LNP1: variants seen among roughly 807,000 people sequenced by gnomAD.
The protein encoded by LNP1 is leukemia NUP98 fusion partner 1.
A neutral mutation model predicts 14.5 loss-of-function variants in LNP1; 12 were observed. The observed-to-expected ratio is 0.83, with a 90% CI of 0.53 to 1.34. The LOEUF is 1.34. Ranked by LOEUF, LNP1 falls within the 40% of genes most tolerant of loss-of-function variation. The pLI, the probability that LNP1 is intolerant of heterozygous loss-of-function variation, is 0.00. For synonymous variants in LNP1, 75 were observed against 71.4 expected, an observed-to-expected ratio of 1.05 and a Z score of -0.26; for missense variants, 198 against 210.9, an observed-to-expected ratio of 0.94 and a Z score of 0.38.
intron 1 of LNP1, among the ~76,000 whole-genome samples, chr3:100,408,318 T>C (rs1344106733): frequency 6.6e-6 from 1 of 152,224 alleles, no homozygotes; most frequent in Non-Finnish European, 1.5e-5. Flanking sequence ...CCCTTCCAGC[T>C]CTAGGGAGTG....
intron 2 of LNP1, 42 bp from the exon 3 acceptor site, chr3:100,451,677 C>T (rs1364885210): frequency 4.5e-6 from 3 of 664,422 alleles, no homozygotes; most frequent in Middle Eastern, 5.8e-4. Flanking sequence ...TAACATTGCA[C>T]AGTCCTTTTA....
intron 1 of LNP1, among the ~76,000 whole-genome samples, chr3:100,405,367 T>A (rs542591783): frequency 6.6e-6 from 1 of 152,330 alleles, no homozygotes; most frequent in African/African-American, 2.4e-5. Flanking sequence ...GTATAACACA[T>A]AACAGATACT....
chr3:100,413,349 T>C (rs1029927142), intron 1 of LNP1, among the ~76,000 whole-genome samples: 1 of 152,246 alleles, frequency 6.6e-6, no homozygotes, highest in Non-Finnish European at 1.5e-5. Flanking sequence ...ACTGCTTCAC[T>C]TCTCAGGGGG....
At chr3:100,438,293 TAAAGAA>T (rs938420888) in intron 2 of LNP1, among the ~76,000 whole-genome samples, 2 of 152,222 alleles carry the variant, frequency 1.3e-5, no homozygotes, top group African/African-American at 4.8e-5. Context: ...TATTGTCACT[TAAAGAA>T]AAACAACTTT....
In LNP1 at chr3:100,451,846, A is replaced by G. The variant is rs1707462590; in HGVS notation, c.284A>G (p.Lys95Arg). The G allele has an allele frequency of 2.0e-5, 24 of 1,224,298 alleles. No individual in the cohort carries two copies. The highest frequency in any genetic ancestry group is 2.3e-5 in the Non-Finnish European group (22 of 969,394). 75.8% of individuals were successfully genotyped at this position (1,224,298 alleles called of 1,614,324 possible). Residue 95 changes from lysine to arginine, a missense_variant, in exon 3 of 4, where the codon AAG (lysine) becomes AGG (arginine). Transcript: ENST00000383693. ...AAATACTCAGAGGATGGGTCATTCA[A>G]GGAGCCACTGGAATCAAAAGGAAGA... ...YRKYSEDGSF[K>R]EPLESKGRSH...
intron 1 of LNP1, among the ~76,000 whole-genome samples, chr3:100,411,847 G>C (rs1408014636): frequency 6.6e-6 from 1 of 152,044 alleles, no homozygotes; most frequent in East Asian, 1.9e-4. Flanking sequence ...ATCGCATTGG[G>C]GGTTAGGGCT....
At chr3:100,408,986 G>A (rs1249890661) in intron 1 of LNP1, among the ~76,000 whole-genome samples, 2 of 152,140 alleles carry the variant, frequency 1.3e-5, no homozygotes, top group African/African-American at 4.8e-5. Flanking sequence ...TTCTCTGTGG[G>A]AAAATTGCTG....
chr3:100,438,953 C>T (rs945774593), intron 2 of LNP1, among the ~76,000 whole-genome samples: 6 of 152,074 alleles, frequency 3.9e-5, no homozygotes, highest in Non-Finnish European at 7.4e-5. Context: ...TATAAAATTC[C>T]AAAAATAGAG....
chr3:100,456,230 G>C lies in LNP1; in HGVS notation c.*304G>C, dbSNP rs890020058. Reference sequence around the variant, plus strand: ...TAAAGAAAAATTTGAAAATATAATGGAAGGTATTTAAAGAGCCACCCACAT... The same window carrying C: ...TAAAGAAAAATTTGAAAATATAATGCAAGGTATTTAAAGAGCCACCCACAT... On this transcript the variant is annotated 3_prime_UTR_variant, in exon 4 of 4. Coordinates refer to ENST00000383693, the MANE Select transcript of LNP1 (RefSeq NM_001085451.2). 2.9e-5 allele frequency: 6 copies of C among 203,958 alleles called. No individual in the cohort carries two copies. The East Asian group carries it at 7.0e-4, about 24-fold the overall frequency. 12.6% of individuals were successfully genotyped at this position (203,958 alleles called of 1,614,324 possible).
At chr3:100,436,486 T>G (rs1707296086) in intron 2 of LNP1, among the ~76,000 whole-genome samples, 1 of 152,074 alleles carries the variant, frequency 6.6e-6, no homozygotes, top group African/African-American at 2.4e-5. Context: ...TCTCTTTTCC[T>G]TTTCCCCTCC....
chr3:100,406,977 A>G (rs1706974877), intron 1 of LNP1, among the ~76,000 whole-genome samples: 1 of 152,138 alleles, frequency 6.6e-6, no homozygotes, highest in Non-Finnish European at 1.5e-5. Context: ...CCTTTCCTCA[A>G]TATTTTGTGC....
intron 1 of LNP1, among the ~76,000 whole-genome samples, chr3:100,408,521 G>T (rs562976036): frequency 2.6e-5 from 4 of 152,350 alleles, no homozygotes; most frequent in African/African-American, 7.2e-5. Context: ...GAGGGGGCCT[G>T]CCTGTTGCTG....
At chr3:100,428,001 C>T (rs758262446) in intron 1 of LNP1, among the ~76,000 whole-genome samples, 2 of 152,214 alleles carry the variant, frequency 1.3e-5, no homozygotes, top group Non-Finnish European at 2.9e-5. Flanking sequence ...GAAGGATTTT[C>T]GTAGGGCAAA....
At chr3:100,407,426 G>T (rs1425796889) in intron 1 of LNP1, among the ~76,000 whole-genome samples, 2 of 151,930 alleles carry the variant, frequency 1.3e-5, no homozygotes, top group African/African-American at 2.4e-5. Context: ...CTCTTCCCTG[G>T]CCTGTAAGAT....
Position 100,456,008 on chromosome 3 carries a change from GA to G in LNP1, c.*83del. On this transcript the variant is annotated 3_prime_UTR_variant, in exon 4 of 4. Coordinates refer to ENST00000383693, the MANE Select transcript of LNP1 (RefSeq NM_001085451.2). ...CCCCAATTCACCATTTCAGGATGTG[GA>G]TGGGGGCGGGGTTGGGGGTAAAAAC... 2.7e-6 allele frequency: 4 copies of G among 1,467,558 alleles called. No homozygotes were observed. The allele number at this position is 1,467,558 out of a possible 1,614,324, so 90.9% of individuals were successfully genotyped here.
intron 1 of LNP1, among the ~76,000 whole-genome samples, chr3:100,411,885 G>A (rs537197028): frequency 4.3e-4 from 66 of 152,058 alleles, no homozygotes; most frequent in African/African-American, 1.5e-3. Flanking sequence ...GGGGAACACG[G>A]GGGACAAAAA....
rs1312253774 is a variant in LNP1 at position 100,431,990 on chromosome 3, GTTTATATATATATATATATATA to G, written c.156+2107_156+2128del. 7.1e-4 allele frequency among the ~76,000 whole-genome samples: 67 copies of G among 94,940 alleles called. 4 individuals are homozygous for G. The highest frequency in any genetic ancestry group is 2.2e-3 in the East Asian group (7 of 3,158). 62.3% of individuals were successfully genotyped at this position (94,940 alleles called of 152,430 possible). A position where few individuals can be genotyped will look rare whatever the true frequency, so the allele number is the denominator to read the frequency against. On this transcript the variant is annotated intron_variant, in intron 2 of 3. Transcript: ENST00000383693. ...AACCTGGGTAACAGAATGAGACCTT[GTTTATATATATATATATATATA>G]TATATATATATATATATATATATAT...
intron 1 of LNP1, among the ~76,000 whole-genome samples, chr3:100,421,655 T>A (rs1424185520): frequency 1.3e-5 from 2 of 152,214 alleles, no homozygotes; most frequent in Non-Finnish European, 2.9e-5. Flanking sequence ...TAATGTTATG[T>A]GAACAAACAT....
intron 1 of LNP1, among the ~76,000 whole-genome samples, chr3:100,409,149 G>C (rs1707000191): frequency 6.6e-6 from 1 of 152,060 alleles, no homozygotes; most frequent in South Asian, 2.1e-4. Flanking sequence ...AACAAAACTT[G>C]ACCCACTGAT....
Sources: gnomAD v4.1 joint callset for allele counts (sites outside exome capture counted in the v4.1 genomes callset) on GRCh38, gnomAD v4.1.1 for gene constraint, MANE v1.5 for transcripts, NCBI Gene and HGNC (gene_info 2026-07-23, HGNC 2026-07-21) for gene names.